Variants in CCDC178 observed in about 807,000 individuals in gnomAD.
CCDC178 encodes the protein coiled-coil domain containing 178.
Under a neutral mutation model 117.4 loss-of-function variants are expected in CCDC178, and 126 were observed. The observed-to-expected ratio is 1.07, with a 90% CI of 0.93 to 1.24. The LOEUF is 1.24. CCDC178 is among the 50% of genes most tolerant of loss of function. CCDC178 has a pLI of 0.00. For synonymous variants in CCDC178, 283 were observed against 313.4 expected, an observed-to-expected ratio of 0.90 and a Z score of 1.02; for missense variants, 1,030 against 986.9, an observed-to-expected ratio of 1.04 and a Z score of -0.59.
At chr18:33,174,821 T>C (rs1055778242) in intron 20 of CCDC178, among the ~76,000 whole-genome samples, 1 of 152,020 alleles carries the variant, frequency 6.6e-6, no homozygotes, top group African/African-American at 2.4e-5. Flanking sequence ...CCTTCTTTTT[T>C]CTTTTCATTA....
At chr18:33,238,466 C>T (rs2059451332) in intron 15 of CCDC178, among the ~76,000 whole-genome samples, 1 of 151,456 alleles carries the variant, frequency 6.6e-6, no homozygotes, top group Non-Finnish European at 1.5e-5. Flanking sequence ...TAAAAAAGAA[C>T]CAAACAGAAA....
At chr18:33,142,157 G>T (rs1178979881) in intron 20 of CCDC178, among the ~76,000 whole-genome samples, 1 of 152,142 alleles carries the variant, frequency 6.6e-6, no homozygotes, top group Non-Finnish European at 1.5e-5. Flanking sequence ...GGGTAATTTT[G>T]CCCTTCCCTT....
At chr18:33,154,250 C>CT (rs534409424) in intron 20 of CCDC178, among the ~76,000 whole-genome samples, 29 of 152,228 alleles carry the variant, frequency 1.9e-4, no homozygotes, top group African/African-American at 6.0e-4. Flanking sequence ...GTTGACTCAG[C>CT]TTTTTCTTGG....
rs1339174741 is a variant in CCDC178 at position 32,938,036 on chromosome 18, T to C, written c.2579A>G (p.Asp860Gly). The C allele has an allele frequency of 6.2e-7, 1 of 1,613,754 alleles. No homozygotes were observed. The highest frequency in any genetic ancestry group is 8.5e-7 in the Non-Finnish European group (1 of 1,179,670). Reference sequence around the variant, plus strand: ...TTAACCATCGTTTTCGCATGTGCCATCTGTCAAAGTCTGGAAGAAACCTAA... The same window carrying C: ...TTAACCATCGTTTTCGCATGTGCCACCTGTCAAAGTCTGGAAGAAACCTAA... Reference protein sequence around the residue: ...HILGFFQTLTDGTCENDG With the variant: ...HILGFFQTLTGGTCENDG The change falls in exon 23 of 23, where the codon GAT becomes GGT. Residue 860 changes from aspartate (D) to glycine (G), a missense_variant. Coordinates refer to ENST00000383096, the MANE Select transcript of CCDC178 (RefSeq NM_001105528.4).
At chr18:33,323,658 A>G in intron 10 of CCDC178, 25 bp from the exon 11 acceptor site, 1 of 1,383,808 alleles carries the variant, frequency 7.2e-7, no homozygotes, top group Admixed American at 2.7e-5. Flanking sequence ...ATTTTTGCTT[A>G]TATTTGCACT....
intron 21 of CCDC178, among the ~76,000 whole-genome samples, chr18:32,977,665 T>G (rs573398244): frequency 3.0e-4 from 46 of 152,294 alleles, no homozygotes; most frequent in African/African-American, 1.1e-3. Context: ...ACTCTTAGCC[T>G]TACTGAGTGG....
At position 33,333,195 on chromosome 18, in the gene CCDC178, G is replaced by C; in HGVS notation, c.858C>G (p.Asn286Lys). Reference sequence around the variant, plus strand: ...TTACCTCCATTTTTTTTTTATAATGGTTCTTCAGATCTTGAAGTTCCTGAT... The same window carrying C: ...TTACCTCCATTTTTTTTTTATAATGCTTCTTCAGATCTTGAAGTTCCTGAT... ...KQNQELQDLK[N>K]HYKKKMEVMD... Residue 286 changes from asparagine (N) to lysine (K), a missense_variant, in exon 10 of 23, where the codon AAC (asparagine) becomes AAG (lysine). By Grantham distance (94) the Asn-to-Lys change is moderately conservative. Coordinates refer to ENST00000383096, the MANE Select transcript of CCDC178 (RefSeq NM_001105528.4). The C allele has an allele frequency of 6.3e-7, 1 of 1,589,070 alleles. No individual in the cohort carries two copies. Among genetic ancestry groups the C allele is most frequent in the African/African-American group, 1.4e-5 (1 of 73,354 alleles).
intron 15 of CCDC178, among the ~76,000 whole-genome samples, chr18:33,234,336 T>G (rs2059401977): frequency 6.6e-6 from 1 of 152,122 alleles, no homozygotes; most frequent in Non-Finnish European, 1.5e-5. Flanking sequence ...TTATGATTAA[T>G]AGCAGATTCC....
At chr18:33,338,158 A>C (rs1799031316) in intron 9 of CCDC178, among the ~76,000 whole-genome samples, 1 of 152,178 alleles carries the variant, frequency 6.6e-6, no homozygotes, top group Non-Finnish European at 1.5e-5. Flanking sequence ...AAAATGTTCA[A>C]CATCACTAAT....
chr18:33,204,061 G>A (rs1258699682), intron 20 of CCDC178, among the ~76,000 whole-genome samples: 1 of 151,956 alleles, frequency 6.6e-6, no homozygotes, highest in Non-Finnish European at 1.5e-5. Flanking sequence ...CATGACAAAG[G>A]AAAACAAAAG....
Position 33,057,798 on chromosome 18 carries a change from T to C in CCDC178, c.2388+34963A>G, listed in dbSNP as rs556580970. Among the ~76,000 whole-genome samples the C allele has an allele frequency of 2.6e-5, 4 of 152,286 alleles. No individual in the cohort carries two copies. In the South Asian group the frequency reaches 8.3e-4, roughly 32 times the overall value. On this transcript the variant is annotated intron_variant, in intron 21 of 22. Transcript: ENST00000383096. ...TGTGAGACACCACGTCCAGCCCAAC[T>C]GAAATTTTTAAAATTAATTTTGTGT... is the stretch of plus-strand genomic sequence containing the variant.
At position 33,346,143 on chromosome 18, in the gene CCDC178, A is replaced by G. The variant is rs919339819; in HGVS notation, c.658+68T>C. ...ACTAAGACAATTTTTTTAAAAATATACAGACCTGTAATTAATTATCTGTGC... is the reference window on the plus strand; with the variant it reads ...ACTAAGACAATTTTTTTAAAAATATGCAGACCTGTAATTAATTATCTGTGC... On this transcript the variant is annotated intron_variant, in intron 9 of 22. Coordinates refer to ENST00000383096, the MANE Select transcript of CCDC178 (RefSeq NM_001105528.4). 9 of 1,227,190 alleles carry G rather than the reference A, an allele frequency of 7.3e-6. No individual in the cohort carries two copies. In the Admixed American group the frequency reaches 1.1e-4, roughly 15 times the overall value. 76.0% of individuals were successfully genotyped at this position (1,227,190 alleles called of 1,614,324 possible).
chr18:33,358,517 T>C (rs780906437), intron 6 of CCDC178, among the ~76,000 whole-genome samples: 9 of 151,842 alleles, frequency 5.9e-5, no homozygotes, highest in Non-Finnish European at 8.8e-5. Context: ...ATGATGGATA[T>C]GGTATGGCTG....
chr18:33,071,926 A>C (rs190347242), intron 21 of CCDC178, among the ~76,000 whole-genome samples: 1 of 152,284 alleles, frequency 6.6e-6, no homozygotes, highest in Admixed American at 6.5e-5. Context: ...TGAAAGGTTG[A>C]ATAATATAAA....
At chr18:32,968,551 A>G (rs550891311) in intron 22 of CCDC178, among the ~76,000 whole-genome samples, 3 of 151,942 alleles carry the variant, frequency 2.0e-5, no homozygotes, top group Non-Finnish European at 4.4e-5. Flanking sequence ...TGTGGTAGTT[A>G]TAGTTTTATT....
At chr18:33,161,878 T>C (rs1033034218) in intron 20 of CCDC178, among the ~76,000 whole-genome samples, 1 of 152,164 alleles carries the variant, frequency 6.6e-6, no homozygotes, top group African/African-American at 2.4e-5. Context: ...ACAATAAACA[T>C]ATGTGTGCAT....
chr18:33,393,454 T>A (rs950702332), intron 4 of CCDC178, among the ~76,000 whole-genome samples: 1 of 152,174 alleles, frequency 6.6e-6, no homozygotes, highest in Non-Finnish European at 1.5e-5. Flanking sequence ...GTAATTACCA[T>A]GACATTCAAG....
chr18:33,366,758 G>A (rs1285449823), intron 6 of CCDC178, among the ~76,000 whole-genome samples: 2 of 151,892 alleles, frequency 1.3e-5, no homozygotes, highest in East Asian at 1.9e-4. Context: ...GCCTTGCTTT[G>A]CCCTCTGCCT....
chr18:33,053,606 T>C (rs917988751), intron 21 of CCDC178, among the ~76,000 whole-genome samples: 30 of 152,314 alleles, frequency 2.0e-4, no homozygotes, highest in African/African-American at 7.2e-5. Context: ...CATTTACTGA[T>C]AATATATTAG....
Sources: allele counts gnomAD v4.1 joint callset (sites outside exome capture counted in the v4.1 genomes callset), GRCh38; gene constraint gnomAD v4.1.1; transcripts MANE v1.5; gene names NCBI Gene and HGNC (gene_info 2026-07-23, HGNC 2026-07-21).